Variants in PTK7 observed in about 807,000 individuals in gnomAD.
PTK7 encodes protein tyrosine kinase 7 (inactive), also known as inactive tyrosine-protein kinase 7.
In PTK7, 39 loss-of-function variants were observed where a neutral mutation model predicts 116.6. The observed-to-expected ratio is 0.33, with a 90% CI of 0.26 to 0.44. The LOEUF (loss-of-function observed/expected upper bound fraction) is 0.44, where lower values mean the gene tolerates loss of function less well. Among genes scored for constraint, PTK7 ranks in the 20% least tolerant of loss-of-function variants. The pLI is 1.00. For synonymous variants in PTK7, 546 were observed against 563.6 expected, an observed-to-expected ratio of 0.97 and a Z score of 0.44; for missense variants, 1,169 against 1,425.6, an observed-to-expected ratio of 0.82 and a Z score of 2.90.
chr6:43,132,577 G>T lies in PTK7; in HGVS notation c.1118G>T (p.Gly373Val), dbSNP rs1769756648. ...ACCCATGGCAGGGTCTACCAGAAGG[G>T]CCACGAGCTGGTGTTGGCCAATATT... The part of the protein sequence containing the change: ...LPTHGRVYQK[G>V]HELVLANIAE... The change falls in exon 7 of 20, where the codon GGC (glycine) becomes GTC (valine). Residue 373 changes from glycine (G) to valine (V), a missense_variant. Coordinates refer to ENST00000230419, the MANE Select transcript of PTK7 (RefSeq NM_002821.5). The T allele has an allele frequency of 1.2e-6, 2 of 1,613,114 alleles. No individual in the cohort carries two copies. The highest frequency in any genetic ancestry group is 1.1e-5 in the South Asian group (1 of 91,072).
chr6:43,127,928 C>CA (rs879765879), intron 1 of PTK7, among the ~76,000 whole-genome samples: 1,579 of 135,554 alleles, frequency 0.012, 22 homozygotes, highest in African/African-American at 0.036. Context: ...GACTCCGTCT[C>CA]AAAAAAAAAA....
chr6:43,106,433 A>C (rs1582102233), intron 1 of PTK7, among the ~76,000 whole-genome samples: 1 of 151,856 alleles, frequency 6.6e-6, no homozygotes, highest in African/African-American at 2.4e-5. Context: ...GCAGCCTCCC[A>C]GGTGGCTGGG....
At chr6:43,094,891 A>C (rs984442992) in intron 1 of PTK7, among the ~76,000 whole-genome samples, 2 of 151,644 alleles carry the variant, frequency 1.3e-5, no homozygotes, top group Non-Finnish European at 2.9e-5. Context: ...CTGAAAATAC[A>C]AAAATTAGCC....
intron 1 of PTK7, among the ~76,000 whole-genome samples, chr6:43,127,263 C>CG: frequency 6.6e-6 from 1 of 152,258 alleles, no homozygotes; most frequent in South Asian, 2.1e-4. Context: ...TTTCTTCTTC[C>CG]GGGGGCGGGG....
intron 1 of PTK7, among the ~76,000 whole-genome samples, chr6:43,100,562 C>T (rs1372977433): frequency 6.6e-6 from 1 of 151,660 alleles, no homozygotes; most frequent in Non-Finnish European, 1.5e-5. Context: ...TAGTTTAAAA[C>T]TGATTTTTTT....
rs988533718 is a variant in PTK7 at position 43,149,377 on chromosome 6, GA to G, written c.2721+2689del. On this transcript the variant is annotated intron_variant, in intron 17 of 19. Transcript: ENST00000230419. ...ACAGGAGTCAAACCCTGTCTCAAAA[GA>G]AAAAAAAAAGATTTCTGGACCATGA... Among the ~76,000 whole-genome samples the G allele has an allele frequency of 1.9e-4, 28 of 147,300 alleles. No homozygotes were observed. The South Asian group carries it at 4.1e-3, about 21-fold the overall frequency.
intron 13 of PTK7, 182 bp downstream of exon 13, chr6:43,142,481 T>C: frequency 1.0e-6 from 1 of 973,576 alleles, no homozygotes; most frequent in Non-Finnish European, 1.6e-6. Context: ...CGGGCTGTCG[T>C]TTATTTAACA....
chr6:43,079,500 C>CAAA (rs987116244), intron 1 of PTK7, among the ~76,000 whole-genome samples: 2 of 105,052 alleles, frequency 1.9e-5, no homozygotes, highest in Non-Finnish European at 4.0e-5. Flanking sequence ...GACTCCGTCT[C>CAAA]AAAAAAAAAA....
intron 1 of PTK7, among the ~76,000 whole-genome samples, chr6:43,093,182 C>CA (rs1767052112): frequency 8.0e-6 from 1 of 124,894 alleles, no homozygotes; most frequent in Non-Finnish European, 1.6e-5. Context: ...GATAGGATCT[C>CA]CTTTTTTTTT....
At chr6:43,146,484 G>T in intron 16 of PTK7, 134 bp from the exon 17 acceptor site, 1 of 728,930 alleles carries the variant, frequency 1.4e-6, no homozygotes, top group Non-Finnish European at 2.3e-6. Flanking sequence ...TTCCCCCTGG[G>T]AAAGGGGCCC....
intron 1 of PTK7, among the ~76,000 whole-genome samples, chr6:43,126,573 T>C (rs1769299927): frequency 6.6e-6 from 1 of 152,196 alleles, no homozygotes; most frequent in South Asian, 2.1e-4. Flanking sequence ...TGACTCCTCA[T>C]TGTAGGATCA....
chr6:43,085,792 G>A (rs541689738), intron 1 of PTK7, among the ~76,000 whole-genome samples: 2 of 151,916 alleles, frequency 1.3e-5, no homozygotes, highest in Non-Finnish European at 2.9e-5. Flanking sequence ...AATTAGCCGG[G>A]TGTGGTGGCG....
intron 17 of PTK7, among the ~76,000 whole-genome samples, chr6:43,155,859 G>T (rs1305593781): frequency 6.6e-6 from 1 of 152,134 alleles, no homozygotes; most frequent in Non-Finnish European, 1.5e-5. Flanking sequence ...ACTCATACAT[G>T]TGTACACTTA....
chr6:43,128,112 A>G (rs1414110460), intron 1 of PTK7, among the ~76,000 whole-genome samples: 1 of 152,180 alleles, frequency 6.6e-6, no homozygotes, highest in African/African-American at 2.4e-5. Flanking sequence ...GCCACCTCTG[A>G]TGCTGGCACC....
intron 1 of PTK7, among the ~76,000 whole-genome samples, chr6:43,084,035 A>G (rs999677758): frequency 6.6e-6 from 1 of 152,200 alleles, no homozygotes; most frequent in East Asian, 1.9e-4. Flanking sequence ...GAGAGGCCAG[A>G]AAATGCATTT....
At position 43,106,139 on chromosome 6, in the gene PTK7, C is replaced by T. The variant is rs74933697; in HGVS notation, c.80-22838C>T. On this transcript the variant is annotated intron_variant, in intron 1 of 19. Coordinates refer to ENST00000230419, the MANE Select transcript of PTK7 (RefSeq NM_002821.5). ...TGAGCAGGGTGGGTTTGCATTTCAC[C>T]TCCTTTGCCTCCTTGCCCCAAAGTG... Among the ~76,000 whole-genome samples the T allele has an allele frequency of 6.6e-4, 100 of 151,912 alleles. No individual in the cohort carries two copies. The East Asian group carries it at 0.017, about 26-fold the overall frequency.
intron 1 of PTK7, among the ~76,000 whole-genome samples, chr6:43,125,330 C>G (rs140186025): frequency 1.5e-4 from 23 of 152,320 alleles, no homozygotes; most frequent in Non-Finnish European, 2.8e-4. Flanking sequence ...CTCTGAGTGG[C>G]AGTCTGGGAA....
intron 1 of PTK7, among the ~76,000 whole-genome samples, chr6:43,116,481 C>T (rs1414233497): frequency 6.6e-6 from 1 of 152,194 alleles, no homozygotes; most frequent in Non-Finnish European, 1.5e-5. Flanking sequence ...GTTTGCAGAA[C>T]GCTTCTAAAT....
chr6:43,096,375 G>A (rs1383755789), intron 1 of PTK7, among the ~76,000 whole-genome samples: 2 of 151,986 alleles, frequency 1.3e-5, no homozygotes, highest in Non-Finnish European at 2.9e-5. Context: ...CTTGCAGTTG[G>A]TGAAGGAGGA....
Sources: gnomAD v4.1 joint callset for allele counts (sites outside exome capture counted in the v4.1 genomes callset) on GRCh38, gnomAD v4.1.1 for gene constraint, MANE v1.5 for transcripts, NCBI Gene and HGNC (gene_info 2026-07-23, HGNC 2026-07-21) for gene names.